The following KLC2 variants were observed in gnomAD, a reference collection of about 807,000 sequenced individuals.
KLC2 encodes KLC 2.
A neutral mutation model predicts 75.1 loss-of-function variants in KLC2; 35 were observed. The observed-to-expected ratio is 0.47, with a 90% CI of 0.36 to 0.62. The LOEUF is 0.62. Ranked by LOEUF, KLC2 falls within the 20% of genes least tolerant of loss-of-function variation. The pLI is 0.00. For synonymous variants in KLC2, 314 were observed against 336.7 expected, an observed-to-expected ratio of 0.93 and a Z score of 0.74; for missense variants, 611 against 833.2, an observed-to-expected ratio of 0.73 and a Z score of 3.28.
At chr11:66,265,623 G>A (rs2134835741) in intron 11 of KLC2, 32 bp from the exon 12 acceptor site, 5 of 1,561,036 alleles carry the variant, frequency 3.2e-6, no homozygotes, top group Non-Finnish European at 4.4e-6. Context: ...GGGTCTGGGG[G>A]AACATGGAGT....
At chr11:66,254,969 C>T (rs1313847431), upstream of KLC2, among the ~76,000 whole-genome samples, 1 of 151,802 alleles carries the variant, frequency 6.6e-6, no homozygotes, top group Non-Finnish European at 1.5e-5. Context: ...CACCCTGGCA[C>T]CACCAAATCT....
upstream of KLC2, chr11:66,257,657 G>C (rs1173424875): frequency 6.6e-6 from 1 of 152,234 alleles, no homozygotes. Context: ...CGCTGGAGCC[G>C]GCCCGGCCCG....
At chr11:66,262,504 C>T in intron 4 of KLC2, 2 of 551,372 alleles carry the variant, frequency 3.6e-6, no homozygotes, top group Non-Finnish European at 6.5e-6. Context: ...CAGACAGCCA[C>T]AATGGGGCCA....
rs745487189 is a variant in KLC2 at position 66,263,716 on chromosome 11, G to A, written c.809G>A (p.Arg270Gln). 4.3e-6 allele frequency: 7 copies of A among 1,613,936 alleles called. No individual in the cohort carries two copies. Among genetic ancestry groups the A allele is most frequent in the Non-Finnish European group, 5.9e-6 (7 of 1,179,936 alleles). Residue 270 changes from arginine to glutamine, a missense_variant, in exon 6 of 16, where the codon CGG becomes CAG. Coordinates refer to ENST00000394067, the MANE Select transcript of KLC2 (RefSeq NM_001318734.2). ...CTGCTCAATGATGCTCTGGCCATCC[G>A]GGAGAAAACACTGGGCAAGGACCAC... ...AHLLNDALAI[R>Q]EKTLGKDHPA...
the KLC2 span, among the ~76,000 whole-genome samples, chr11:66,249,589 G>A: frequency 4.6e-5 from 7 of 152,134 alleles, no homozygotes; most frequent in South Asian, 1.5e-3. Context: ...CCTTAAAGCA[G>A]CCCTCCCTGT....
At chr11:66,250,705 T>C in the KLC2 span, among the ~76,000 whole-genome samples, 1 of 152,182 alleles carries the variant, frequency 6.6e-6, no homozygotes. Flanking sequence ...CTGAGTGGCA[T>C]ACTGAAGACA....
Position 66,267,568 on chromosome 11 carries a change from C to T in KLC2, c.*612C>T. ...GGATGCGTCCTACCCGCGCCATCGC[C>T]CCGTGGCCCAGGACGGGGACCTCCC... is the stretch of plus-strand genomic sequence containing the variant. On this transcript the variant is annotated 3_prime_UTR_variant, in exon 16 of 16. Transcript: ENST00000394067. 2 of 625,670 alleles carry T rather than the reference C, an allele frequency of 3.2e-6. No homozygotes were observed. The highest frequency in any genetic ancestry group is 1.8e-5 in the South Asian group (1 of 54,364). 38.8% of individuals were successfully genotyped at this position (625,670 alleles called of 1,614,324 possible). A position where few individuals can be genotyped will look rare whatever the true frequency, so the allele number is the denominator to read the frequency against.
chr11:66,248,234 C>T, the KLC2 span, among the ~76,000 whole-genome samples: 1 of 152,008 alleles, frequency 6.6e-6, no homozygotes, highest in Non-Finnish European at 1.5e-5. Flanking sequence ...GGCTATATAC[C>T]GCCCTGCCAG....
the KLC2 span, among the ~76,000 whole-genome samples, chr11:66,249,990 C>T: frequency 7.9e-5 from 12 of 152,142 alleles, no homozygotes; most frequent in Non-Finnish European, 1.3e-4. Flanking sequence ...CCACCAGGCC[C>T]GTGGTCTGGC....
intron 9 of KLC2, 104 bp from the exon 10 acceptor site, chr11:66,264,919 G>A (rs528842): frequency 0.45 from 472,416 of 1,057,108 alleles, 108,992 homozygotes; most frequent in Admixed American, 0.49. Context: ...TGCATTCAAC[G>A]AAGCCCAACC....
At chr11:66,265,382 C>T in intron 11 of KLC2, 147 bp downstream of exon 11, 7 of 747,178 alleles carry the variant, frequency 9.4e-6, no homozygotes, top group Non-Finnish European at 1.5e-5. Context: ...GCTCTGTCTC[C>T]CAATTCTCAG....
intron 11 of KLC2, 29 bp from the exon 12 acceptor site, chr11:66,265,626 C>G: frequency 1.3e-6 from 2 of 1,568,046 alleles, no homozygotes; most frequent in Non-Finnish European, 1.7e-6. Context: ...TCTGGGGGAA[C>G]ATGGAGTTTG....
chr11:66,250,860 C>T, the KLC2 span, among the ~76,000 whole-genome samples: 24 of 152,146 alleles, frequency 1.6e-4, no homozygotes, highest in Admixed American at 8.5e-4. Context: ...CCAGTGGGAG[C>T]GGAGGAAGAG....
At position 66,261,824 on chromosome 11, in the gene KLC2, A is replaced by T. The variant is rs933874809; in HGVS notation, c.311A>T (p.Gln104Leu). 2.5e-6 allele frequency: 4 copies of T among 1,613,476 alleles called. No individual in the cohort carries two copies. Among genetic ancestry groups the T allele is most frequent in the Non-Finnish European group, 3.4e-6 (4 of 1,179,968 alleles). The part of the protein sequence containing the change: ...KLRAQVRRLV[Q>L]ENQWLREELA... The stretch of plus-strand genomic sequence containing the variant: ...CGGGCGCAGGTGCGGCGTCTGGTGC[A>T]GGAGAACCAGTGGCTGCGTGAGGAG... The change falls in exon 3 of 16, where the codon CAG becomes CTG. Residue 104 changes from glutamine (Q) to leucine (L), a missense_variant. Gln to Leu is a moderately radical substitution (Grantham distance 113). Transcript: ENST00000394067.
Position 66,263,577 on chromosome 11 carries a change from A to G in KLC2, c.753-83A>G. The G allele has an allele frequency of 3.3e-6, 3 of 913,606 alleles. No individual in the cohort carries two copies. In the South Asian group the frequency reaches 4.3e-5, roughly 13 times the overall value. 56.6% of individuals were successfully genotyped at this position (913,606 alleles called of 1,614,324 possible). A position where few individuals can be genotyped will look rare whatever the true frequency, so the allele number is the denominator to read the frequency against. On this transcript the variant is annotated intron_variant, in intron 5 of 15. Coordinates refer to ENST00000394067, the MANE Select transcript of KLC2 (RefSeq NM_001318734.2). Reference sequence around the variant, plus strand: ...TCTGTCATACACACTCAGTGAGTACAGGAGTGACCACAGGGATTGCAGACC... The same window carrying G: ...TCTGTCATACACACTCAGTGAGTACGGGAGTGACCACAGGGATTGCAGACC...
intron 14 of KLC2, 35 bp from the exon 15 acceptor site, chr11:66,266,398 C>T (rs753639904): frequency 5.1e-6 from 8 of 1,575,322 alleles, no homozygotes; most frequent in Admixed American, 3.4e-5. Context: ...GTGAGTTCCT[C>T]CTTGGGCAAA....
At position 66,257,754 on chromosome 11, in the gene KLC2, G is replaced by T; in HGVS notation, c.-129G>T. 6.5e-6 allele frequency: 1 copy of T among 152,850 alleles called. No individual in the cohort carries two copies. The highest frequency in any genetic ancestry group is 2.1e-4 in the South Asian group (1 of 4,862). 9.5% of individuals were successfully genotyped at this position (152,850 alleles called of 1,614,324 possible). On this transcript the variant is annotated 5_prime_UTR_variant, in exon 1 of 16. Transcript: ENST00000394067. Reference sequence around the variant, plus strand: ...AGGTAGCGGCTTCACCTTTAAGGCGGCGCGGGGGCTGCTGGGAAGGCCGGC... The same window carrying T: ...AGGTAGCGGCTTCACCTTTAAGGCGTCGCGGGGGCTGCTGGGAAGGCCGGC...
chr11:66,267,766 C>A lies in KLC2; in HGVS notation c.*810C>A, dbSNP rs963661012. Reference sequence around the variant, plus strand: ...CTTCTCGCGAGGGGCGGCGACGGTCCCCTGGTGGCAGGAGGGGCTCCCCCT... The same window carrying A: ...CTTCTCGCGAGGGGCGGCGACGGTCACCTGGTGGCAGGAGGGGCTCCCCCT... On this transcript the variant is annotated 3_prime_UTR_variant, in exon 16 of 16. Transcript: ENST00000394067. 1 of 460,884 alleles carries A rather than the reference C, an allele frequency of 2.2e-6. No individual in the cohort carries two copies. The highest frequency in any genetic ancestry group is 3.8e-6 in the Non-Finnish European group (1 of 262,988). 28.5% of individuals were successfully genotyped at this position (460,884 alleles called of 1,614,324 possible). A position where few individuals can be genotyped will look rare whatever the true frequency, so the allele number is the denominator to read the frequency against.
Position 66,266,090 on chromosome 11 carries a change from C to T in KLC2, c.1603-3C>T, listed in dbSNP as rs1856803580. ...GCCTAGAGGCAAGCCTGTCCACCTG[C>T]AGGATGGCAGTGGCTCCTTGAGGCG... is the stretch of plus-strand genomic sequence containing the variant. On this transcript the variant is annotated splice_region_variant and splice_polypyrimidine_tract_variant and intron_variant, in intron 13 of 15. Coordinates refer to ENST00000394067, the MANE Select transcript of KLC2 (RefSeq NM_001318734.2). 1 of 1,614,060 alleles carries T rather than the reference C, an allele frequency of 6.2e-7. No homozygotes were observed. The highest frequency in any genetic ancestry group is 8.5e-7 in the Non-Finnish European group (1 of 1,179,938).
Sources: gnomAD v4.1 joint callset for allele counts (sites outside exome capture counted in the v4.1 genomes callset) on GRCh38, gnomAD v4.1.1 for gene constraint, MANE v1.5 for transcripts, NCBI Gene and HGNC (gene_info 2026-07-23, HGNC 2026-07-21) for gene names.